Variants in TMEM150C observed in about 807,000 individuals in gnomAD.
TMEM150C encodes the protein tentonin 3.
In TMEM150C, 10 loss-of-function variants were observed where a neutral mutation model predicts 29.9. The ratio of observed to expected loss-of-function variants is 0.33; its 90% CI spans 0.21 to 0.57. TMEM150C has a LOEUF of 0.57. TMEM150C is among the 20% of genes least tolerant of loss of function. The pLI is 0.88. For synonymous variants in TMEM150C, 101 were observed against 112.5 expected (o/e 0.90, Z 0.64); for missense variants, 251 against 303.6 (o/e 0.83, Z 1.29).
intron 1 of TMEM150C, among the ~76,000 whole-genome samples, chr4:82,545,164 C>T (rs1725332000): frequency 6.6e-6 from 1 of 152,174 alleles, no homozygotes; most frequent in Non-Finnish European, 1.5e-5. Context: ...ACTAGCAAAT[C>T]GAATCCAGCA....
At chr4:82,526,042 C>A (rs1004073836) in intron 1 of TMEM150C, among the ~76,000 whole-genome samples, 11 of 152,222 alleles carry the variant, frequency 7.2e-5, no homozygotes, top group African/African-American at 2.6e-4. Context: ...ATAGCTGGGA[C>A]TACAGGTGTA....
chr4:82,513,638 A>G (rs1724202491), intron 1 of TMEM150C, among the ~76,000 whole-genome samples: 1 of 152,162 alleles, frequency 6.6e-6, no homozygotes, highest in Admixed American at 6.5e-5. Context: ...ACCCGGACTG[A>G]TTTGCAAAGA....
In TMEM150C at chr4:82,530,994, C is replaced by T. The variant is rs150260614; in HGVS notation, c.-10-26327G>A. 2.3e-3 allele frequency among the ~76,000 whole-genome samples: 344 copies of T among 152,282 alleles called. 1 individual carries two copies. Among genetic ancestry groups the T allele is most frequent in the African/African-American group, 7.7e-3 (321 of 41,556 alleles). ...CTAAACCATTAGAAACAACCCCCAT[C>T]ATCCAATCACCTCCCACCAGGCCTC... On this transcript the variant is annotated intron_variant, in intron 1 of 7. Transcript: ENST00000449862.
chr4:82,523,874 G>C (rs1001320096), intron 1 of TMEM150C, among the ~76,000 whole-genome samples: 1 of 151,664 alleles, frequency 6.6e-6, no homozygotes, highest in South Asian at 2.1e-4. Flanking sequence ...GATGGGGGGG[G>C]TTTCACCATG....
chr4:82,503,006 A>G (rs1250387495), intron 3 of TMEM150C, 53 bp downstream of exon 3: 3 of 1,605,588 alleles, frequency 1.9e-6, no homozygotes, highest in Non-Finnish European at 2.6e-6. Flanking sequence ...CCAGTGGGAA[A>G]GTTTTTGCTA....
intron 1 of TMEM150C, among the ~76,000 whole-genome samples, chr4:82,542,770 G>T (rs1177237815): frequency 6.6e-6 from 1 of 152,148 alleles, no homozygotes; most frequent in East Asian, 1.9e-4. Context: ...TTGCATCAAG[G>T]TGATTGCCAG....
intron 1 of TMEM150C, among the ~76,000 whole-genome samples, chr4:82,545,490 A>G (rs907692683): frequency 8.5e-5 from 13 of 152,240 alleles, no homozygotes; most frequent in African/African-American, 3.1e-4. Context: ...GAGCAAGACA[A>G]GGATGCCCAC....
At chr4:82,491,209 C>T (rs6836450) in intron 6 of TMEM150C, 10,087 of 690,858 alleles carry the variant, frequency 0.015, 545 homozygotes, top group African/African-American at 0.14. Context: ...GTGTTAACTC[C>T]TACTCGAAGG....
At chr4:82,499,040 T>C (rs1196557440) in intron 5 of TMEM150C, among the ~76,000 whole-genome samples, 1 of 152,196 alleles carries the variant, frequency 6.6e-6, no homozygotes, top group Non-Finnish European at 1.5e-5. Context: ...GGAGGCATAC[T>C]TTCCTTTTAA....
At chr4:82,491,785 A>G in intron 6 of TMEM150C, 1 of 331,514 alleles carries the variant, frequency 3.0e-6, no homozygotes, top group Admixed American at 4.4e-5. Flanking sequence ...TACAGGCGTG[A>G]GCCATCAATC....
intron 1 of TMEM150C, among the ~76,000 whole-genome samples, chr4:82,552,264 C>A (rs749987888): frequency 2.0e-5 from 3 of 152,174 alleles, no homozygotes; most frequent in Non-Finnish European, 2.9e-5. Flanking sequence ...TATAGCAACA[C>A]AAAAATGTAT....
intron 5 of TMEM150C, among the ~76,000 whole-genome samples, chr4:82,500,543 C>CT (rs1723705075): frequency 6.6e-6 from 1 of 152,014 alleles, no homozygotes; most frequent in Non-Finnish European, 1.5e-5. Context: ...GTTGTAATAC[C>CT]TTCGAGCAAG....
intron 1 of TMEM150C, among the ~76,000 whole-genome samples, chr4:82,541,203 T>C (rs558893427): frequency 6.6e-6 from 1 of 152,336 alleles, no homozygotes; most frequent in East Asian, 1.9e-4. Flanking sequence ...TCTATCCTTC[T>C]ATTCCTTTCT....
At chr4:82,505,302 C>T (rs1453650128) in intron 1 of TMEM150C, among the ~76,000 whole-genome samples, 1 of 152,114 alleles carries the variant, frequency 6.6e-6, no homozygotes, top group Non-Finnish European at 1.5e-5. Context: ...CTACCTTGAC[C>T]TTCCAAAGTG....
At chr4:82,547,984 A>C (rs1725440635) in intron 1 of TMEM150C, among the ~76,000 whole-genome samples, 1 of 152,262 alleles carries the variant, frequency 6.6e-6, no homozygotes, top group Non-Finnish European at 1.5e-5. Context: ...TGGTCCAAGA[A>C]AATGTGGTAC....
intron 1 of TMEM150C, among the ~76,000 whole-genome samples, chr4:82,516,627 T>G (rs906837445): frequency 6.6e-6 from 1 of 152,280 alleles, no homozygotes; most frequent in Non-Finnish European, 1.5e-5. Flanking sequence ...TTATAAATGG[T>G]TGTCTCAGTA....
At chr4:82,536,283 G>A (rs902998850) in intron 1 of TMEM150C, among the ~76,000 whole-genome samples, 12 of 149,962 alleles carry the variant, frequency 8.0e-5, no homozygotes, top group African/African-American at 2.2e-4. Context: ...GCTTGAACCC[G>A]GGAGGCGGAG....
At chr4:82,561,752 G>C (rs1341940099) in intron 1 of TMEM150C, among the ~76,000 whole-genome samples, 154 bp downstream of exon 1, 3 of 147,076 alleles carry the variant, frequency 2.0e-5, no homozygotes, top group Non-Finnish European at 3.0e-5. Context: ...GGCCGCAGCC[G>C]AGCAGGGCCC....
intron 1 of TMEM150C, among the ~76,000 whole-genome samples, chr4:82,554,469 C>CA (rs1397164347): frequency 6.6e-6 from 1 of 152,136 alleles, no homozygotes; most frequent in Non-Finnish European, 1.5e-5. Context: ...TTTTATCAAC[C>CA]AGCACAGTTT....
Sources: gnomAD v4.1 joint callset for allele counts (sites outside exome capture counted in the v4.1 genomes callset) on GRCh38, gnomAD v4.1.1 for gene constraint, MANE v1.5 for transcripts, NCBI Gene and HGNC (gene_info 2026-07-23, HGNC 2026-07-21) for gene names.